Variants in SUMF1 observed in about 807,000 individuals in gnomAD.
The protein encoded by SUMF1 is sulfatase modifying factor 1, also known as formylglycine-generating enzyme.
A neutral mutation model predicts 47.6 loss-of-function variants in SUMF1; 48 were observed. The ratio of observed to expected loss-of-function variants is 1.01; its 90% CI spans 0.80 to 1.28. The LOEUF (loss-of-function observed/expected upper bound fraction) is 1.28. Among genes scored for constraint, SUMF1 ranks in the 50% most tolerant of loss-of-function variants. The pLI, the probability that SUMF1 is intolerant of heterozygous loss-of-function variation, is 0.00. For missense variants in SUMF1, 571 were observed against 485.4 expected, an observed-to-expected ratio of 1.18 and a Z score of -1.66; for synonymous variants, 230 against 192.1, an observed-to-expected ratio of 1.20 and a Z score of -1.63.
intron 8 of SUMF1, among the ~76,000 whole-genome samples, chr3:4,169,516 A>G (rs991721517): frequency 2.0e-5 from 3 of 152,170 alleles, no homozygotes; most frequent in African/African-American, 4.8e-5. Context: ...AGAGGAAAAA[A>G]GGATCCACTA....
intron 8 of SUMF1, among the ~76,000 whole-genome samples, chr3:4,265,643 G>A (rs1426595653): frequency 6.6e-6 from 1 of 151,752 alleles, no homozygotes; most frequent in East Asian, 1.9e-4. Flanking sequence ...TTTGTCAGAT[G>A]AGTAGGTTGC....
rs1694146888 is a variant in SUMF1 at position 4,144,396 on chromosome 3, G to C, written c.1015-75651C>G. ...GAGATACTTTGGGAAGGTGGAGGAA[G>C]GCAGAAAACAATGTGAAGCATGGGA... On this transcript the variant is annotated intron_variant and NMD_transcript_variant, in intron 8 of 12. Transcript: ENST00000448413. 2.0e-5 allele frequency among the ~76,000 whole-genome samples: 3 copies of C among 152,110 alleles called. No individual in the cohort carries two copies. In the South Asian group the frequency reaches 6.2e-4, roughly 32 times the overall value.
intron 1 of SUMF1, among the ~76,000 whole-genome samples, chr3:4,465,433 C>T (rs959796580): frequency 1.3e-5 from 2 of 151,118 alleles, no homozygotes; most frequent in African/African-American, 2.4e-5. Context: ...GAGCGGAGAT[C>T]GCGCCACTGC....
At chr3:4,172,433 T>C (rs1694852673) in intron 8 of SUMF1, among the ~76,000 whole-genome samples, 1 of 152,184 alleles carries the variant, frequency 6.6e-6, no homozygotes. Context: ...CACCTGATAA[T>C]AGCAGCACAC....
intron 8 of SUMF1, among the ~76,000 whole-genome samples, chr3:4,140,534 C>T (rs1328580372): frequency 6.6e-6 from 1 of 151,884 alleles, no homozygotes; most frequent in Non-Finnish European, 1.5e-5. Context: ...TTCTTTCTTT[C>T]CTGCTGAAAT....
intron 9 of SUMF1, among the ~76,000 whole-genome samples, chr3:4,038,336 G>C (rs928802337): frequency 6.6e-6 from 1 of 152,150 alleles, no homozygotes; most frequent in Non-Finnish European, 1.5e-5. Context: ...ATGGGGTGGA[G>C]TCTGTGGGAG....
At chr3:4,292,748 G>C (rs1026523562) in intron 8 of SUMF1, among the ~76,000 whole-genome samples, 1 of 152,142 alleles carries the variant, frequency 6.6e-6, no homozygotes, top group African/African-American at 2.4e-5. Flanking sequence ...AAAATCTAGG[G>C]TCTGGAAAGT....
chr3:4,121,011 T>C (rs765676374), intron 8 of SUMF1, among the ~76,000 whole-genome samples: 2 of 152,116 alleles, frequency 1.3e-5, no homozygotes, highest in African/African-American at 2.4e-5. Context: ...AGGAAATAAC[T>C]GAACTAGAAG....
At chr3:4,456,268 G>GA in intron 1 of SUMF1, among the ~76,000 whole-genome samples, 1 of 152,030 alleles carries the variant, frequency 6.6e-6, no homozygotes, top group Non-Finnish European at 1.5e-5. Flanking sequence ...ACTCAATGGG[G>GA]AAAAATGGAA....
In SUMF1 at chr3:4,182,972, G is replaced by C. The variant is rs904249606; in HGVS notation, c.1015-114227C>G. Among the ~76,000 whole-genome samples, 69 of 152,170 alleles carry C rather than the reference G, an allele frequency of 4.5e-4. 1 individual carries two copies. The highest frequency in any genetic ancestry group is 1.5e-3 in the African/African-American group (61 of 41,526). On this transcript the variant is annotated intron_variant and NMD_transcript_variant, in intron 8 of 12. Transcript: ENST00000448413. The stretch of plus-strand genomic sequence containing the variant: ...AAACCCAGCCAATTATCTTGGACTC[G>C]GGGCCCCAGTAGACACTGAGGTTGG...
intron 7 of SUMF1, among the ~76,000 whole-genome samples, chr3:4,383,301 C>G (rs552302528): frequency 6.6e-4 from 100 of 152,234 alleles, no homozygotes; most frequent in Non-Finnish European, 1.2e-3. Flanking sequence ...ATTGCTTGAA[C>G]CCGGGAGGCG....
intron 8 of SUMF1, among the ~76,000 whole-genome samples, chr3:4,308,728 T>C (rs1698288795): frequency 6.6e-6 from 1 of 152,232 alleles, no homozygotes; most frequent in Non-Finnish European, 1.5e-5. Context: ...TTCAAGACCA[T>C]AGTCACAGAG....
chr3:4,057,164 C>G (rs1695207522), intron 9 of SUMF1, among the ~76,000 whole-genome samples: 1 of 152,104 alleles, frequency 6.6e-6, no homozygotes, highest in South Asian at 2.1e-4. Context: ...GACAGAGGGG[C>G]AACAAGGGTA....
intron 8 of SUMF1, among the ~76,000 whole-genome samples, chr3:4,102,623 A>G (rs1040641038): frequency 5.3e-5 from 8 of 152,162 alleles, no homozygotes; most frequent in African/African-American, 1.7e-4. Context: ...ATTTTCTAAT[A>G]GTGCTTCCCA....
chr3:4,201,682 T>C (rs1695543281), intron 8 of SUMF1, among the ~76,000 whole-genome samples: 1 of 152,094 alleles, frequency 6.6e-6, no homozygotes, highest in Non-Finnish European at 1.5e-5. Flanking sequence ...CTGGATCATG[T>C]GGTAGTTCTA....
chr3:4,438,874 T>A (rs1702487667), intron 3 of SUMF1, among the ~76,000 whole-genome samples: 1 of 152,150 alleles, frequency 6.6e-6, no homozygotes, highest in Admixed American at 6.5e-5. Context: ...CACGATTTAT[T>A]TATGAAAGTT....
At chr3:4,180,293 C>T (rs1474122132) in intron 8 of SUMF1, among the ~76,000 whole-genome samples, 1 of 152,096 alleles carries the variant, frequency 6.6e-6, no homozygotes, top group East Asian at 1.9e-4. Context: ...TGGAACCAAC[C>T]CAAATGTCCA....
At chr3:4,291,815 T>A (rs1335006378) in intron 8 of SUMF1, among the ~76,000 whole-genome samples, 7 of 152,176 alleles carry the variant, frequency 4.6e-5, no homozygotes, top group African/African-American at 1.7e-4. Context: ...TCCAACTATA[T>A]AATCTCTCGC....
At chr3:4,230,922 T>G (rs940161153) in intron 8 of SUMF1, among the ~76,000 whole-genome samples, 1 of 152,136 alleles carries the variant, frequency 6.6e-6, no homozygotes, top group African/African-American at 2.4e-5. Context: ...TTCCCAAAAG[T>G]TACCTTACCA....
Sources: gnomAD v4.1 joint callset for allele counts (sites outside exome capture counted in the v4.1 genomes callset) on GRCh38, gnomAD v4.1.1 for gene constraint, MANE v1.5 for transcripts, NCBI Gene and HGNC (gene_info 2026-07-23, HGNC 2026-07-21) for gene names.